Variants in TULP3 observed in about 807,000 individuals in gnomAD.
TULP3 encodes the protein tubby-related protein 3.
Under a neutral mutation model 50.7 loss-of-function variants are expected in TULP3, and 38 were observed. The observed-to-expected ratio is 0.75, with a 90% CI of 0.58 to 0.98. TULP3 has a LOEUF of 0.98. TULP3 is among the 50% of genes least tolerant of loss of function. The pLI is 0.00. For synonymous variants in TULP3, 183 were observed against 196.6 expected, an observed-to-expected ratio of 0.93 and a Z score of 0.58; for missense variants, 550 against 568.0, an observed-to-expected ratio of 0.97 and a Z score of 0.32.
rs996176243 is a variant in TULP3 at position 2,909,453 on chromosome 12, G to A, written c.42-76G>A. 2.1e-6 allele frequency: 3 copies of A among 1,404,898 alleles called. No individual in the cohort carries two copies. In the African/African-American group the frequency reaches 4.4e-5, roughly 21 times the overall value. 87.0% of individuals were successfully genotyped at this position (1,404,898 alleles called of 1,614,324 possible). On this transcript the variant is annotated intron_variant, in intron 1 of 10. Transcript: ENST00000448120. The stretch of plus-strand genomic sequence containing the variant: ...GATTGGTTCCAAATAGCCCAAAAGA[G>A]TACATACATAAAAAGATGAAATTGA...
chr12:2,917,769 C>G (rs2098189516), intron 2 of TULP3, among the ~76,000 whole-genome samples: 1 of 150,918 alleles, frequency 6.6e-6, no homozygotes, highest in South Asian at 2.1e-4. Context: ...CCCAGCTCCT[C>G]GGGAGGCTGA....
At chr12:2,902,885 A>G (rs2098180036) in intron 1 of TULP3, among the ~76,000 whole-genome samples, 1 of 148,872 alleles carries the variant, frequency 6.7e-6, no homozygotes. Context: ...TTTTTGAGAC[A>G]GAGTCTCGCG....
rs532633521 is a variant in TULP3 at position 2,933,499 on chromosome 12, C to G, written c.778C>G (p.Arg260Gly). The G allele has an allele frequency of 1.3e-5, 21 of 1,613,696 alleles. No individual in the cohort carries two copies. Among genetic ancestry groups the G allele is most frequent in the Middle Eastern group, 1.6e-4 (1 of 6,084 alleles). The change falls in exon 7 of 11, where the codon CGT (arginine) becomes GGT (glycine). Residue 260 changes from arginine (R) to glycine (G), a missense_variant. Arg to Gly is a moderately radical substitution (Grantham distance 125). Coordinates refer to ENST00000448120, the MANE Select transcript of TULP3 (RefSeq NM_003324.5). Reference sequence around the variant, plus strand: ...CTCCATTGATCCAGTTGATTTATCTCGTGAAGGAGAAAGTTATGTCGGCAA... The same window carrying G: ...CTCCATTGATCCAGTTGATTTATCTGGTGAAGGAGAAAGTTATGTCGGCAA... ...LISIDPVDLS[R>G]EGESYVGKLR...
At chr12:2,927,476 C>T (rs753543038) in intron 4 of TULP3, among the ~76,000 whole-genome samples, 1 of 148,120 alleles carries the variant, frequency 6.8e-6, no homozygotes, top group African/African-American at 2.5e-5. Context: ...AAGGGATTCT[C>T]TTGCCTCAGC....
At chr12:2,902,971 C>A (rs2098180075) in intron 1 of TULP3, among the ~76,000 whole-genome samples, 1 of 151,202 alleles carries the variant, frequency 6.6e-6, no homozygotes, top group Non-Finnish European at 1.5e-5. Flanking sequence ...AAGTGATTGT[C>A]CTGCCTCAGC....
chr12:2,930,719 A>G (rs558382013), intron 5 of TULP3, among the ~76,000 whole-genome samples: 1 of 152,208 alleles, frequency 6.6e-6, no homozygotes, highest in East Asian at 1.9e-4. Flanking sequence ...CACCGTGCCC[A>G]GCCCTCAAAC....
intron 1 of TULP3, among the ~76,000 whole-genome samples, chr12:2,900,573 A>C (rs1344896251): frequency 6.7e-6 from 1 of 150,226 alleles, no homozygotes; most frequent in Non-Finnish European, 1.5e-5. Context: ...TACTCTTTTT[A>C]AACTCAAAAA....
intron 2 of TULP3, among the ~76,000 whole-genome samples, chr12:2,915,291 A>G (rs1326234789): frequency 1.3e-5 from 2 of 152,162 alleles, no homozygotes; most frequent in Non-Finnish European, 2.9e-5. Flanking sequence ...CGCCCAGCCC[A>G]GAATGGATTT....
At chr12:2,892,873 ATTT>A (rs55689820) in intron 1 of TULP3, among the ~76,000 whole-genome samples, 1 of 137,430 alleles carries the variant, frequency 7.3e-6, no homozygotes. Flanking sequence ...TTTAATTTTA[ATTT>A]TTTTTTTTTT....
intron 1 of TULP3, among the ~76,000 whole-genome samples, chr12:2,901,312 C>CTTTTTTTTTTTTTT (rs371069831): frequency 9.6e-6 from 1 of 104,146 alleles, no homozygotes; most frequent in Non-Finnish European, 1.8e-5. Context: ...TTCTTTCTTT[C>CTTTTTTTTTTTTTT]TTTTTTTTTT....
At chr12:2,915,688 G>A (rs1320676737) in intron 2 of TULP3, among the ~76,000 whole-genome samples, 1 of 152,002 alleles carries the variant, frequency 6.6e-6, no homozygotes, top group African/African-American at 2.4e-5. Context: ...GGGACTACAG[G>A]CGCATGCCTC....
intron 1 of TULP3, among the ~76,000 whole-genome samples, chr12:2,900,553 A>G (rs985276350): frequency 1.2e-4 from 19 of 152,126 alleles, no homozygotes; most frequent in Non-Finnish European, 2.2e-4. Context: ...TCTTGGTAGA[A>G]TTAATAAAGT....
intron 8 of TULP3, among the ~76,000 whole-genome samples, chr12:2,935,247 A>G (rs373018876): frequency 2.0e-5 from 3 of 151,858 alleles, no homozygotes; most frequent in Admixed American, 6.6e-5. Context: ...GTCCAACCAC[A>G]CTCATCTTTC....
At chr12:2,895,139 T>TA (rs2098174737) in intron 1 of TULP3, among the ~76,000 whole-genome samples, 1 of 152,338 alleles carries the variant, frequency 6.6e-6, no homozygotes, top group African/African-American at 2.4e-5. Flanking sequence ...TTTTGCTGTG[T>TA]GGTACTTGCA....
intron 2 of TULP3, among the ~76,000 whole-genome samples, chr12:2,913,150 A>C (rs1006642049): frequency 3.3e-5 from 5 of 151,328 alleles, no homozygotes; most frequent in Admixed American, 6.6e-5. Context: ...GTGAAGTGGT[A>C]TCTCATTGTA....
chr12:2,923,849 G>A (rs565139665), intron 4 of TULP3, among the ~76,000 whole-genome samples: 33 of 151,484 alleles, frequency 2.2e-4, no homozygotes, highest in Non-Finnish European at 3.7e-4. Flanking sequence ...GTGCAGTGGC[G>A]CACACCTGTA....
At chr12:2,904,319 T>C (rs2098180995) in intron 1 of TULP3, among the ~76,000 whole-genome samples, 1 of 152,124 alleles carries the variant, frequency 6.6e-6, no homozygotes, top group Admixed American at 6.6e-5. Flanking sequence ...CTTCAGTTAG[T>C]TTTTATTTTA....
chr12:2,894,297 G>T (rs2098174083), intron 1 of TULP3, among the ~76,000 whole-genome samples: 1 of 121,762 alleles, frequency 8.2e-6, no homozygotes, highest in Admixed American at 8.8e-5. Flanking sequence ...CGGGGGGGCG[G>T]GGCGGGGGGG....
At chr12:2,937,949 T>A (rs1275173493) in intron 9 of TULP3, among the ~76,000 whole-genome samples, 165 bp from the exon 10 acceptor site, 2 of 152,198 alleles carry the variant, frequency 1.3e-5, no homozygotes, top group African/African-American at 4.8e-5. Flanking sequence ...AGAGAAATGC[T>A]GGATGATGTA....
Sources: gnomAD v4.1 joint callset for allele counts (sites outside exome capture counted in the v4.1 genomes callset) on GRCh38, gnomAD v4.1.1 for gene constraint, MANE v1.5 for transcripts, NCBI Gene and HGNC (gene_info 2026-07-23, HGNC 2026-07-21) for gene names.